Variants in DNAAF2 observed in about 807,000 individuals in gnomAD.
The protein encoded by DNAAF2 is dynein axonemal assembly factor 2.
In DNAAF2, 58 loss-of-function variants were observed where a neutral mutation model predicts 48.8. The ratio of observed to expected loss-of-function variants is 1.19; its 90% CI spans 0.96 to 1.48. The LOEUF (loss-of-function observed/expected upper bound fraction) is 1.48, where lower values mean the gene tolerates loss of function less well. Ranked by LOEUF, DNAAF2 falls within the 40% of genes most tolerant of loss-of-function variation. The probability of loss-of-function intolerance (pLI) is 0.00; values close to 1 mark genes in which losing one functional copy is unlikely to be tolerated. For missense variants in DNAAF2, 1,241 were observed against 1,116.1 expected (o/e 1.11, Z -1.59); for synonymous variants, 567 against 481.2 (o/e 1.18, Z -2.33).
rs1307773406 is a variant in DNAAF2, at chr14:49,634,273, G to C, written c.877C>G (p.Arg293Gly). ...TCCAGCGCCGCCTGCTCGGCCGAGC[G>C]CAACAGCGGCAGTTCGATGGTGATC... ...LVITIELPLL[R>G]SAEQAALEVT... Residue 293 changes from arginine to glycine, a missense_variant, in exon 1 of 3, where the codon CGC becomes GGC. Coordinates refer to ENST00000298292, the MANE Select transcript of DNAAF2 (RefSeq NM_018139.3). 5.6e-6 allele frequency: 9 copies of C among 1,612,164 alleles called. No homozygotes were observed. Among genetic ancestry groups the C allele is most frequent in the Admixed American group, 1.7e-5 (1 of 60,022 alleles).
Position 49,634,462 on chromosome 14 carries a change from A to G in DNAAF2, c.688T>C (p.Tyr230His), listed in dbSNP as rs1883276421. ...PLPDFPYPYQ[Y>H]PAAPGPRAPS... ...GCCCGGGGCCCGGGGGCTGCCGGGT[A>G]CTGGTAAGGGTAGGGGAAGTCCGGG... Residue 230 changes from tyrosine (Y) to histidine (H), a missense_variant, in exon 1 of 3, where the codon TAC (tyrosine) becomes CAC (histidine). Physicochemically the swap from Tyr to His is moderately conservative, Grantham distance 83 (BLOSUM62 2). Transcript: ENST00000298292. 2 of 1,566,264 alleles carry G rather than the reference A, an allele frequency of 1.3e-6. No individual in the cohort carries two copies. The highest frequency in any genetic ancestry group is 1.7e-6 in the Non-Finnish European group (2 of 1,160,318).
rs760644486 is a variant in DNAAF2, at chr14:49,633,665, G to C, written c.1485C>G (p.Arg495=). The change falls in exon 1 of 3, where the codon CGC becomes CGG. Residue 495 remains arginine, a synonymous_variant. Coordinates refer to ENST00000298292, the MANE Select transcript of DNAAF2 (RefSeq NM_018139.3). The part of the protein sequence containing the change: ...SARGDSSVET[R]EESEGTGGQR... ...GGCCGCCCGTGCCCTCCGACTCCTC[G>C]CGTGTTTCCACACTGCTATCTCCGC... The C allele has an allele frequency of 6.2e-7, 1 of 1,611,868 alleles. No homozygotes were observed. The highest frequency in any genetic ancestry group is 8.5e-7 in the Non-Finnish European group (1 of 1,178,682).
At position 49,635,186 on chromosome 14, in the gene DNAAF2, A is replaced by T. The variant is rs1883314711; in HGVS notation, c.-37T>A. On this transcript the variant is annotated 5_prime_UTR_variant, in exon 1 of 3. Coordinates refer to ENST00000298292, the MANE Select transcript of DNAAF2 (RefSeq NM_018139.3). ...GCTCCTCGCCCTCGGGCCAAAGGCGATCAGTCTGACACTGGGTTGGGGGAT... is the reference window on the plus strand; with the variant it reads ...GCTCCTCGCCCTCGGGCCAAAGGCGTTCAGTCTGACACTGGGTTGGGGGAT... 1.3e-6 allele frequency: 2 copies of T among 1,546,532 alleles called. No individual in the cohort carries two copies. The highest frequency in any genetic ancestry group is 1.7e-6 in the Non-Finnish European group (2 of 1,144,382).
intron 1 of DNAAF2, among the ~76,000 whole-genome samples, 153 bp from the exon 2 acceptor site, chr14:49,628,308 A>C (rs1329031494): frequency 6.6e-6 from 1 of 152,200 alleles, no homozygotes; most frequent in African/African-American, 2.4e-5. Context: ...TCTTAGAAAA[A>C]TTTAAGTTTG....
intron 1 of DNAAF2, among the ~76,000 whole-genome samples, chr14:49,628,643 T>C (rs1883074266): frequency 2.0e-5 from 3 of 152,196 alleles, no homozygotes; most frequent in South Asian, 4.1e-4. Flanking sequence ...TTGGTAGAGA[T>C]GGGGTTTTAC....
At chr14:49,632,227 A>G (rs1883180844) in intron 1 of DNAAF2, among the ~76,000 whole-genome samples, 1 of 152,238 alleles carries the variant, frequency 6.6e-6, no homozygotes, top group Admixed American at 6.5e-5. Context: ...TTCTGATGAC[A>G]AAAACAGATA....
rs2139581795 is a variant in DNAAF2 at position 49,633,899 on chromosome 14, G to A, written c.1251C>T (p.Asp417=). 1.3e-6 allele frequency: 2 copies of A among 1,534,012 alleles called. No individual in the cohort carries two copies. Among genetic ancestry groups the A allele is most frequent in the Middle Eastern group, 3.9e-4 (2 of 5,186 alleles). The change falls in exon 1 of 3, where the codon GAC becomes GAT. Residue 417 remains aspartate (D), a synonymous_variant. Transcript: ENST00000298292. ...CGGCCGGCGGAGGCGCCACCTCCGG[G>A]TCGCCCAGGGTGGTGACCCCGGAGC... ...AAGSGVTTLG[D]PEVAPPPAAA...
At position 49,633,995 on chromosome 14, in the gene DNAAF2, C is replaced by A. The variant is rs1481091134; in HGVS notation, c.1155G>T (p.Glu385Asp). The change falls in exon 1 of 3, where the codon GAG becomes GAT. Residue 385 changes from glutamate to aspartate, a missense_variant. Coordinates refer to ENST00000298292, the MANE Select transcript of DNAAF2 (RefSeq NM_018139.3). ...TDGQACASAREGEAGPARSRA... is the reference protein window; with the variant it reads ...TDGQACASARDGEAGPARSRA... ...GACTCCTCGCGGGTCCCGCCTCCCC[C>A]TCGCGAGCGGAAGCGCAGGCCTGGC... 6.6e-7 allele frequency: 1 copy of A among 1,523,996 alleles called. No homozygotes were observed. The allele number at this position is 1,523,996 out of a possible 1,614,324, so 94.4% of individuals were successfully genotyped here.
chr14:49,626,869 A>C (rs1304710068), intron 2 of DNAAF2, among the ~76,000 whole-genome samples: 1 of 131,734 alleles, frequency 7.6e-6, no homozygotes, highest in Admixed American at 9.1e-5. Context: ...GCAGTGGCGC[A>C]ATCTTGGCTT....
chr14:49,628,201 G>A (rs755755170), intron 1 of DNAAF2, 46 bp from the exon 2 acceptor site: 6 of 1,458,404 alleles, frequency 4.1e-6, no homozygotes, highest in Non-Finnish European at 4.7e-6. Flanking sequence ...AGTCCCACTT[G>A]ACAACAGTTG....
At position 49,634,738 on chromosome 14, in the gene DNAAF2, G is replaced by C. The variant is rs900049390; in HGVS notation, c.412C>G (p.Arg138Gly). ...AAGACCACGTCGTAGACCATGTAGC[G>C]GCTGCTGCTGCGCCCCGCGTACTCG... Reference protein sequence around the residue: ...GREYAGRSSSRYMVYDVVFHP... With the variant: ...GREYAGRSSSGYMVYDVVFHP... The change falls in exon 1 of 3, where the codon CGC (arginine) becomes GGC (glycine). Residue 138 changes from arginine to glycine, a missense_variant. Coordinates refer to ENST00000298292, the MANE Select transcript of DNAAF2 (RefSeq NM_018139.3). 1 of 1,603,892 alleles carries C rather than the reference G, an allele frequency of 6.2e-7. No homozygotes were observed. Among genetic ancestry groups the C allele is most frequent in the Admixed American group, 1.7e-5 (1 of 59,614 alleles).
At position 49,635,126 on chromosome 14, in the gene DNAAF2, C is replaced by T. The variant is rs761970465; in HGVS notation, c.24G>A (p.Ser8=). The change falls in exon 1 of 3, where the codon TCG becomes TCA. Residue 8 remains serine, a synonymous_variant. Transcript: ENST00000298292. The stretch of plus-strand genomic sequence containing the variant: ...CGCTCAGGTCCAAGTCCTCCAGCGA[C>T]GAGGAGGCCGCCGCTTTGGCCATAC... The part of the protein sequence containing the change: MAKAAAS[S]SLEDLDLSGE... The T allele has an allele frequency of 6.4e-7, 1 of 1,563,736 alleles. No homozygotes were observed. The highest frequency in any genetic ancestry group is 2.4e-5 in the East Asian group (1 of 41,812).
intron 1 of DNAAF2, among the ~76,000 whole-genome samples, chr14:49,631,185 T>A (rs1195328731): frequency 2.0e-5 from 3 of 152,220 alleles, no homozygotes; most frequent in Non-Finnish European, 4.4e-5. Flanking sequence ...AACACAGTGT[T>A]ACAGAAACAT....
At chr14:49,627,812 G>A (rs957895910) in intron 2 of DNAAF2, among the ~76,000 whole-genome samples, 200 bp downstream of exon 2, 12 of 150,298 alleles carry the variant, frequency 8.0e-5, no homozygotes, top group Non-Finnish European at 1.2e-4. Flanking sequence ...ATGAGATCGC[G>A]CTACTGCACT....
intron 1 of DNAAF2, 79 bp downstream of exon 1, chr14:49,633,208 C>T (rs556776691): frequency 1.0e-5 from 16 of 1,543,346 alleles, no homozygotes; most frequent in Admixed American, 1.9e-5. Context: ...GCGTGAGCCA[C>T]CGCGCCCGGC....
intron 1 of DNAAF2, among the ~76,000 whole-genome samples, chr14:49,632,846 AC>A (rs1883198288): frequency 6.6e-6 from 1 of 152,232 alleles, no homozygotes; most frequent in Non-Finnish European, 1.5e-5. Context: ...ATTACATGTA[AC>A]ATTAACAAAA....
chr14:49,633,134 C>G (rs1223903037), intron 1 of DNAAF2, among the ~76,000 whole-genome samples, 153 bp downstream of exon 1: 1 of 151,924 alleles, frequency 6.6e-6, no homozygotes, highest in Non-Finnish European at 1.5e-5. Context: ...ATTGGCCAGG[C>G]TGGTCTAGAA....
rs1386645254 is a variant in DNAAF2 at position 49,634,347 on chromosome 14, T to C, written c.803A>G (p.Tyr268Cys). The part of the protein sequence containing the change: ...VQRHHVDLQD[Y>C]RCSRDSAPSP... ...CGGGGCTGAGTCCCTGGAGCAGCGG[T>C]AATCCTGGAGGTCCACGTGGTGGCG... The change falls in exon 1 of 3, where the codon TAC (tyrosine) becomes TGC (cysteine). Residue 268 changes from tyrosine to cysteine, a missense_variant. Coordinates refer to ENST00000298292, the MANE Select transcript of DNAAF2 (RefSeq NM_018139.3). 6.2e-7 allele frequency: 1 copy of C among 1,610,308 alleles called. No individual in the cohort carries two copies. Among genetic ancestry groups the C allele is most frequent in the African/African-American group, 1.3e-5 (1 of 74,906 alleles).
Position 49,633,343 on chromosome 14 carries a change from C to T in DNAAF2, c.1807G>A (p.Glu603Lys). 2 of 1,614,064 alleles carry T rather than the reference C, an allele frequency of 1.2e-6. No homozygotes were observed. The highest frequency in any genetic ancestry group is 1.1e-5 in the South Asian group (1 of 91,088). The stretch of plus-strand genomic sequence containing the variant: ...CACTCTCTCCAATGTCCATGGCTCT[C>T]TGGAGATTTTGCCAGTTCTATCACT... ...NAVIELAKSP[E>K]SHGHWREWYY... The change falls in exon 1 of 3, where the codon GAG becomes AAG. Residue 603 changes from glutamate (E) to lysine (K), a missense_variant. By Grantham distance (56) the Glu-to-Lys change is moderately conservative (BLOSUM62 1). Coordinates refer to ENST00000298292, the MANE Select transcript of DNAAF2 (RefSeq NM_018139.3).
Sources: allele counts gnomAD v4.1 joint callset (sites outside exome capture counted in the v4.1 genomes callset), GRCh38; gene constraint gnomAD v4.1.1; transcripts MANE v1.5; gene names NCBI Gene and HGNC (gene_info 2026-07-23, HGNC 2026-07-21).